The following PLGRKT variants were observed in gnomAD, a reference collection of about 807,000 sequenced individuals.
PLGRKT encodes the protein plasminogen receptor with a C-terminal lysine, also known as plasminogen receptor (KT).
In PLGRKT, 22 loss-of-function variants were observed where a neutral mutation model predicts 18.5. That is an observed-to-expected ratio of 1.19 (90% CI 0.85 to 1.70). The LOEUF (loss-of-function observed/expected upper bound fraction) is 1.70, where lower values mean the gene tolerates loss of function less well. Among genes scored for constraint, PLGRKT ranks in the 40% most tolerant of loss-of-function variants. The pLI, the probability that PLGRKT is intolerant of heterozygous loss-of-function variation, is 0.00. For missense variants in PLGRKT, 235 were observed against 174.4 expected (o/e 1.35, Z -1.96); for synonymous variants, 72 against 52.8 (o/e 1.36, Z -1.58).
chr9:5,431,770 G>C (rs2131177587), intron 3 of PLGRKT, 127 bp downstream of exon 3: 1 of 595,854 alleles, frequency 1.7e-6, no homozygotes, highest in African/African-American at 1.9e-5. Context: ...ATTTTATCTT[G>C]GTTTTAAGGA....
In PLGRKT at chr9:5,389,659, G is replaced by C. The variant is rs148748664; in HGVS notation, c.82-27771C>G. 5.3e-5 allele frequency among the ~76,000 whole-genome samples: 8 copies of C among 151,964 alleles called. No individual in the cohort carries two copies. In the East Asian group the frequency reaches 1.5e-3, roughly 29 times the overall value. On this transcript the variant is annotated intron_variant, in intron 3 of 5. Coordinates refer to ENST00000223864, the MANE Select transcript of PLGRKT (RefSeq NM_018465.4). Reference sequence around the variant, plus strand: ...TGCTCATCTTCTCTGCTTCGCAAATGATTCACTGAAAGCTCTCAGAAGGGG... The same window carrying C: ...TGCTCATCTTCTCTGCTTCGCAAATCATTCACTGAAAGCTCTCAGAAGGGG...
chr9:5,384,832 C>A (rs7027829), intron 3 of PLGRKT, among the ~76,000 whole-genome samples: 86,776 of 151,902 alleles, frequency 0.57, 26,584 homozygotes, highest in African/African-American at 0.81. Flanking sequence ...TCACACACAG[C>A]AAGTGCCTAA....
chr9:5,377,249 TAA>T (rs34637029), intron 3 of PLGRKT, among the ~76,000 whole-genome samples: 3 of 145,274 alleles, frequency 2.1e-5, no homozygotes, highest in African/African-American at 2.5e-5. Context: ...ACAAGTAAAC[TAA>T]AAAAAAAAAG....
chr9:5,363,821 G>C (rs1320220190), intron 3 of PLGRKT, among the ~76,000 whole-genome samples: 2 of 152,174 alleles, frequency 1.3e-5, no homozygotes, highest in African/African-American at 4.8e-5. Flanking sequence ...TTTTAAACTA[G>C]AAGTAATTGA....
chr9:5,400,403 T>C (rs1001899172), intron 3 of PLGRKT, among the ~76,000 whole-genome samples: 4 of 151,934 alleles, frequency 2.6e-5, no homozygotes, highest in African/African-American at 9.7e-5. Flanking sequence ...AGACCAAGTG[T>C]AAAATAAATT....
chr9:5,386,996 G>C (rs943952581), intron 3 of PLGRKT, among the ~76,000 whole-genome samples: 3 of 151,840 alleles, frequency 2.0e-5, no homozygotes, highest in Non-Finnish European at 4.4e-5. Flanking sequence ...AGACAAGGTT[G>C]GATGGGTGAT....
chr9:5,368,820 G>C lies in PLGRKT; in HGVS notation c.82-6932C>G, dbSNP rs567394527. Among the ~76,000 whole-genome samples the C allele has an allele frequency of 1.1e-4, 16 of 152,262 alleles. No individual in the cohort carries two copies. In the East Asian group the frequency reaches 2.9e-3, roughly 27 times the overall value. ...TACCACCACACATCTACAACCATCT[G>C]ATCTTTGACAAACCTGACAAAAACA... On this transcript the variant is annotated intron_variant, in intron 3 of 5. Transcript: ENST00000223864.
At chr9:5,430,771 C>T (rs1361039613) in intron 3 of PLGRKT, among the ~76,000 whole-genome samples, 1 of 152,226 alleles carries the variant, frequency 6.6e-6, no homozygotes, top group African/African-American at 2.4e-5. Flanking sequence ...TAATGGGCCA[C>T]AGAGGCCTAG....
chr9:5,361,788 A>C lies in PLGRKT; in HGVS notation c.182T>G (p.Phe61Cys). Residue 61 changes from phenylalanine (F) to cysteine (C), a missense_variant, in exon 4 of 6, where the codon TTT (phenylalanine) becomes TGT (cysteine). Coordinates refer to ENST00000223864, the MANE Select transcript of PLGRKT (RefSeq NM_018465.4). ...REFLKYFGTF[F>C]GLAAISLTAG... is the part of the protein sequence containing the mutation. ...TGTTAAAGAGATGGCTGCAAGGCCA[A>C]AAAAAGTTCCAAAATATTTGAGGAA... 2 of 1,613,166 alleles carry C rather than the reference A, an allele frequency of 1.2e-6. No individual in the cohort carries two copies.
intron 3 of PLGRKT, among the ~76,000 whole-genome samples, chr9:5,427,902 T>C (rs746705610): frequency 1.3e-5 from 2 of 152,078 alleles, no homozygotes; most frequent in Non-Finnish European, 2.9e-5. Context: ...GATGGGAAAG[T>C]GGAATAAGGG....
At chr9:5,421,156 T>C (rs1007631763) in intron 3 of PLGRKT, among the ~76,000 whole-genome samples, 2 of 152,136 alleles carry the variant, frequency 1.3e-5, no homozygotes, top group Non-Finnish European at 2.9e-5. Flanking sequence ...CTCTCCCCCA[T>C]CCTTTCAGAG....
chr9:5,421,430 C>T (rs1474083105), intron 3 of PLGRKT, among the ~76,000 whole-genome samples: 1 of 152,210 alleles, frequency 6.6e-6, no homozygotes, highest in Non-Finnish European at 1.5e-5. Flanking sequence ...TCACAGAACT[C>T]ATCACCACTA....
intron 3 of PLGRKT, among the ~76,000 whole-genome samples, chr9:5,382,761 G>A (rs1012652734): frequency 1.3e-5 from 2 of 152,216 alleles, no homozygotes; most frequent in African/African-American, 2.4e-5. Context: ...GACCCACTAG[G>A]GAAGTGTCCA....
chr9:5,412,662 T>C (rs1168297602), intron 3 of PLGRKT, among the ~76,000 whole-genome samples: 1 of 152,032 alleles, frequency 6.6e-6, no homozygotes, highest in Non-Finnish European at 1.5e-5. Flanking sequence ...CAACAGAAAA[T>C]GAACGAAGAC....
chr9:5,416,025 G>C (rs948105352), intron 3 of PLGRKT, among the ~76,000 whole-genome samples: 35 of 151,772 alleles, frequency 2.3e-4, no homozygotes, highest in African/African-American at 8.2e-4. Context: ...ATTGTACAAT[G>C]ACTTTGTAAA....
intron 3 of PLGRKT, among the ~76,000 whole-genome samples, chr9:5,378,113 T>C (rs142928433): frequency 7.9e-4 from 120 of 152,270 alleles, no homozygotes; most frequent in African/African-American, 2.6e-3. Flanking sequence ...CTCCTCAAGA[T>C]AGTCAACCTG....
chr9:5,423,964 T>G (rs1053822856), intron 3 of PLGRKT, among the ~76,000 whole-genome samples: 7 of 145,948 alleles, frequency 4.8e-5, no homozygotes, highest in African/African-American at 7.6e-5. Flanking sequence ...AATATGTATG[T>G]GTAATACACA....
intron 3 of PLGRKT, among the ~76,000 whole-genome samples, chr9:5,417,396 C>G (rs767581298): frequency 1.3e-5 from 2 of 151,998 alleles, no homozygotes; most frequent in Non-Finnish European, 2.9e-5. Flanking sequence ...GGACCCAAGA[C>G]CTAAATTTAA....
chr9:5,408,710 C>T (rs1183958280), intron 3 of PLGRKT, among the ~76,000 whole-genome samples: 2 of 152,184 alleles, frequency 1.3e-5, no homozygotes, highest in Non-Finnish European at 2.9e-5. Context: ...AAAGAAAAGG[C>T]CTTGAAGACA....
Sources: gnomAD v4.1 joint callset for allele counts (sites outside exome capture counted in the v4.1 genomes callset) on GRCh38, gnomAD v4.1.1 for gene constraint, MANE v1.5 for transcripts, NCBI Gene and HGNC (gene_info 2026-07-23, HGNC 2026-07-21) for gene names.